The following AIG1 variants were observed in gnomAD, a reference collection of about 807,000 sequenced individuals.
AIG1 encodes the protein androgen induced 1, also known as androgen-induced gene 1 protein.
AIG1 carries 23 observed loss-of-function variants against 31.4 expected under a neutral mutation model. The ratio of observed to expected loss-of-function variants is 0.73; its 90% CI spans 0.53 to 1.04. The LOEUF is 1.04. Ranked by LOEUF, AIG1 falls within the 50% of genes least tolerant of loss-of-function variation. The pLI, the probability that AIG1 is intolerant of heterozygous loss-of-function variation, is 0.00. For missense variants in AIG1, 274 were observed against 295.0 expected, an observed-to-expected ratio of 0.93 and a Z score of 0.52; for synonymous variants, 100 against 110.5, an observed-to-expected ratio of 0.90 and a Z score of 0.60.
chr6:143,255,443 T>G (rs1795312576), intron 3 of AIG1, among the ~76,000 whole-genome samples: 1 of 152,216 alleles, frequency 6.6e-6, no homozygotes, highest in African/African-American at 2.4e-5. Context: ...TGGCCTCTTC[T>G]TTGTGTAAGC....
chr6:143,193,276 C>T (rs768579689), intron 3 of AIG1, among the ~76,000 whole-genome samples: 4 of 152,206 alleles, frequency 2.6e-5, no homozygotes, highest in South Asian at 2.1e-4. Flanking sequence ...TCCTCTGACA[C>T]GGTTAGTGCC....
At chr6:143,163,155 G>T (rs751647908) in intron 2 of AIG1, among the ~76,000 whole-genome samples, 2 of 152,212 alleles carry the variant, frequency 1.3e-5, no homozygotes, top group Non-Finnish European at 2.9e-5. Flanking sequence ...GGGCGGGGTA[G>T]TACTGCTGTG....
intron 4 of AIG1, among the ~76,000 whole-genome samples, chr6:143,289,702 G>A (rs1354761985): frequency 6.6e-6 from 1 of 151,994 alleles, no homozygotes. Context: ...TCAAGTTTCT[G>A]CTGGAAACAT....
intron 4 of AIG1, among the ~76,000 whole-genome samples, chr6:143,305,544 T>A (rs1799207596): frequency 6.6e-6 from 1 of 152,138 alleles, no homozygotes; most frequent in Non-Finnish European, 1.5e-5. Context: ...TTTGAGTGAG[T>A]TTCTTAATCC....
At chr6:143,186,761 G>A (rs1789299174) in intron 3 of AIG1, 1 of 152,610 alleles carries the variant, frequency 6.6e-6, no homozygotes, top group South Asian at 2.1e-4. Context: ...AACCTTTCGA[G>A]TTTTCTCCAG....
intron 2 of AIG1, among the ~76,000 whole-genome samples, chr6:143,155,518 G>A (rs899690887): frequency 6.6e-6 from 1 of 152,050 alleles, no homozygotes; most frequent in Non-Finnish European, 1.5e-5. Context: ...CAGCTTAGAG[G>A]AACTGGCCGC....
chr6:143,319,185 T>C (rs1042364683), intron 4 of AIG1, among the ~76,000 whole-genome samples: 1 of 152,150 alleles, frequency 6.6e-6, no homozygotes, highest in Non-Finnish European at 1.5e-5. Flanking sequence ...TACATGTTCA[T>C]AGCAGCACAA....
intron 1 of AIG1, among the ~76,000 whole-genome samples, chr6:143,070,232 A>G (rs1370825746): frequency 6.6e-6 from 1 of 152,204 alleles, no homozygotes; most frequent in Non-Finnish European, 1.5e-5. Flanking sequence ...TTTTAGTAGA[A>G]TTTAATTGAA....
chr6:143,078,319 A>T (rs1777912779), intron 1 of AIG1, among the ~76,000 whole-genome samples: 1 of 152,096 alleles, frequency 6.6e-6, no homozygotes, highest in African/African-American at 2.4e-5. Context: ...AGCTGCCCTA[A>T]AGTCCTTGCC....
intron 1 of AIG1, among the ~76,000 whole-genome samples, chr6:143,074,062 A>C (rs1288941592): frequency 6.6e-6 from 1 of 152,238 alleles, no homozygotes; most frequent in Non-Finnish European, 1.5e-5. Flanking sequence ...TGTCTATTCA[A>C]GTCTTTTGCC....
chr6:143,161,257 A>G (rs1233187927), intron 2 of AIG1, among the ~76,000 whole-genome samples: 1 of 152,204 alleles, frequency 6.6e-6, no homozygotes, highest in African/African-American at 2.4e-5. Flanking sequence ...TGCCCACCAG[A>G]AAAATTGCAA....
chr6:143,263,327 C>T (rs1795938116), intron 3 of AIG1, among the ~76,000 whole-genome samples: 1 of 149,318 alleles, frequency 6.7e-6, no homozygotes, highest in Admixed American at 6.7e-5. Context: ...ACTTCCTTCT[C>T]ACTCTCTTAT....
chr6:143,207,257 A>G (rs1204816035), intron 3 of AIG1, among the ~76,000 whole-genome samples: 1 of 152,150 alleles, frequency 6.6e-6, no homozygotes, highest in Non-Finnish European at 1.5e-5. Context: ...TCCCAACTAT[A>G]CAGTCCTCTT....
At chr6:143,172,636 G>C (rs967738693) in intron 3 of AIG1, among the ~76,000 whole-genome samples, 10 of 152,144 alleles carry the variant, frequency 6.6e-5, no homozygotes, top group Non-Finnish European at 1.5e-4. Context: ...GTGTATAATA[G>C]AATTGGTACC....
chr6:143,296,009 A>T (rs1798399934), intron 4 of AIG1, among the ~76,000 whole-genome samples: 1 of 152,186 alleles, frequency 6.6e-6, no homozygotes, highest in African/African-American at 2.4e-5. Flanking sequence ...AAATTGCAAC[A>T]GTGGGTTTTA....
chr6:143,117,315 T>C (rs1450671256), intron 1 of AIG1, among the ~76,000 whole-genome samples: 3 of 151,990 alleles, frequency 2.0e-5, no homozygotes, highest in Non-Finnish European at 2.9e-5. Context: ...TAGGAAGCCT[T>C]TGAAGGAGTG....
At chr6:143,072,574 T>C (rs1777389746) in intron 1 of AIG1, among the ~76,000 whole-genome samples, 1 of 152,026 alleles carries the variant, frequency 6.6e-6, no homozygotes, top group East Asian at 1.9e-4. Context: ...ATGTTAGATA[T>C]AGATTTTTTT....
At chr6:143,150,963 G>C (rs1447696099) in intron 2 of AIG1, among the ~76,000 whole-genome samples, 2 of 152,156 alleles carry the variant, frequency 1.3e-5, no homozygotes, top group Admixed American at 1.3e-4. Flanking sequence ...CTAGGCAGTT[G>C]ACAGGGAATT....
chr6:143,129,968 G>GTTTTTTTTTTT, intron 1 of AIG1, among the ~76,000 whole-genome samples: 1 of 146,378 alleles, frequency 6.8e-6, no homozygotes, highest in African/African-American at 2.5e-5. Flanking sequence ...GTCTCCCTTG[G>GTTTTTTTTTTT]TCACCAGGCT....
Sources: gnomAD v4.1 joint callset for allele counts (sites outside exome capture counted in the v4.1 genomes callset) on GRCh38, gnomAD v4.1.1 for gene constraint, MANE v1.5 for transcripts, NCBI Gene and HGNC (gene_info 2026-07-23, HGNC 2026-07-21) for gene names.